RHBDD1: variants seen among roughly 807,000 people sequenced by gnomAD.
RHBDD1 encodes rhomboid domain containing 1, also known as rhomboid-related protein 4.
RHBDD1 carries 38 observed loss-of-function variants against 36.3 expected under a neutral mutation model. The ratio of observed to expected loss-of-function variants is 1.05; its 90% CI spans 0.81 to 1.37. The LOEUF (loss-of-function observed/expected upper bound fraction) is 1.37, where lower values mean the gene tolerates loss of function less well. RHBDD1 is among the 40% of genes most tolerant of loss of function. The pLI is 0.00. For missense variants in RHBDD1, 393 were observed against 377.6 expected (o/e 1.04, Z -0.34); for synonymous variants, 151 against 136.5 (o/e 1.11, Z -0.74).
chr2:226,863,763 C>G (rs2125219312), intron 3 of RHBDD1, among the ~76,000 whole-genome samples: 1 of 152,322 alleles, frequency 6.6e-6, no homozygotes, highest in Non-Finnish European at 1.5e-5. Flanking sequence ...AGTATCCCTT[C>G]CTCCACATTC....
intron 8 of RHBDD1, among the ~76,000 whole-genome samples, chr2:226,924,606 G>C (rs1949549302): frequency 6.6e-6 from 1 of 152,136 alleles, no homozygotes; most frequent in Non-Finnish European, 1.5e-5. Flanking sequence ...TGCAGTTCTT[G>C]TGACTCAGAC....
chr2:226,845,933 T>C (rs1559186541), intron 3 of RHBDD1, among the ~76,000 whole-genome samples: 2 of 152,244 alleles, frequency 1.3e-5, no homozygotes, highest in African/African-American at 4.8e-5. Flanking sequence ...TAGAAGCTTA[T>C]TGTAACTGAC....
At chr2:226,994,764 T>G (rs558986803) in intron 8 of RHBDD1, among the ~76,000 whole-genome samples, 2 of 152,336 alleles carry the variant, frequency 1.3e-5, no homozygotes, top group African/African-American at 4.8e-5. Context: ...TCTTATGTAG[T>G]GATTGAAATT....
chr2:226,944,900 A>G (rs959669566), intron 8 of RHBDD1, among the ~76,000 whole-genome samples: 7 of 152,142 alleles, frequency 4.6e-5, no homozygotes, highest in African/African-American at 1.7e-4. Flanking sequence ...ACCTTAGTGA[A>G]GGATTTTCAT....
intron 7 of RHBDD1, among the ~76,000 whole-genome samples, chr2:226,911,375 G>T (rs1287909446): frequency 1.3e-5 from 2 of 152,078 alleles, no homozygotes; most frequent in Admixed American, 6.6e-5. Context: ...CATTCATAGG[G>T]AATTGGGCAG....
At chr2:226,922,680 G>GTCTTC (rs1392704811) in intron 8 of RHBDD1, among the ~76,000 whole-genome samples, 1 of 151,876 alleles carries the variant, frequency 6.6e-6, no homozygotes, top group Non-Finnish European at 1.5e-5. Context: ...TTGTTTTGTG[G>GTCTTC]TCTTCCCTTT....
chr2:226,908,658 C>A, intron 6 of RHBDD1, 164 bp from the exon 7 acceptor site: 1 of 604,966 alleles, frequency 1.7e-6, no homozygotes, highest in East Asian at 2.9e-5. Flanking sequence ...CACTCTTTTC[C>A]AGTTAGGGCT....
intron 5 of RHBDD1, among the ~76,000 whole-genome samples, chr2:226,873,617 G>A (rs1446031371): frequency 6.6e-6 from 1 of 152,192 alleles, no homozygotes; most frequent in African/African-American, 2.4e-5. Flanking sequence ...TAATGGAGCT[G>A]AAGAGCCTTG....
intron 8 of RHBDD1, chr2:226,988,573 A>C: frequency 2.9e-6 from 4 of 1,383,384 alleles, no homozygotes; most frequent in Non-Finnish European, 3.7e-6. Context: ...TGGAATCTGC[A>C]TCAGAAACAT....
intron 8 of RHBDD1, among the ~76,000 whole-genome samples, chr2:226,922,002 A>G (rs183491188): frequency 1.5e-3 from 234 of 152,204 alleles, no homozygotes; most frequent in Non-Finnish European, 2.3e-3. Context: ...TTTGCTTTAT[A>G]TATCTGGGTG....
chr2:226,977,749 A>G (rs1387294891), intron 8 of RHBDD1, among the ~76,000 whole-genome samples: 1 of 152,262 alleles, frequency 6.6e-6, no homozygotes, highest in Non-Finnish European at 1.5e-5. Context: ...TGCTAATTGA[A>G]GAAATCTTTT....
chr2:226,987,477 A>G (rs919832221), intron 8 of RHBDD1, among the ~76,000 whole-genome samples: 1 of 152,224 alleles, frequency 6.6e-6, no homozygotes, highest in Non-Finnish European at 1.5e-5. Context: ...AGGACAGGCA[A>G]CAGTCTCCAG....
intron 5 of RHBDD1, among the ~76,000 whole-genome samples, chr2:226,893,465 A>G (rs576639344): frequency 4.6e-5 from 7 of 151,888 alleles, no homozygotes; most frequent in African/African-American, 1.5e-4. Flanking sequence ...CAAATATTCA[A>G]CTCCCCATGT....
At chr2:226,947,783 G>T (rs1031271344) in intron 8 of RHBDD1, among the ~76,000 whole-genome samples, 1 of 152,202 alleles carries the variant, frequency 6.6e-6, no homozygotes, top group African/African-American at 2.4e-5. Context: ...TCTCAAAAGA[G>T]GACATTTATG....
upstream of RHBDD1, among the ~76,000 whole-genome samples, chr2:226,834,486 G>C (rs967868161): frequency 6.6e-6 from 1 of 152,178 alleles, no homozygotes; most frequent in Non-Finnish European, 1.5e-5. Context: ...AATTTGCTAA[G>C]AATCTTCTTT....
the RHBDD1 span, among the ~76,000 whole-genome samples, chr2:226,815,931 A>C: frequency 6.6e-6 from 1 of 152,232 alleles, no homozygotes. Context: ...GAAGAGTAGA[A>C]AATAACAGAA....
rs530163200 is a variant in RHBDD1, at chr2:226,907,420, A to T, written c.655+539A>T. On this transcript the variant is annotated intron_variant, in intron 6 of 8. Coordinates refer to ENST00000392062, the MANE Select transcript of RHBDD1 (RefSeq NM_001167608.3). ...TTTTTTTAATTTTGTTTTTCCCTTC[A>T]AATTGATACTCAATGAAAATATTTC... 8.8e-4 allele frequency among the ~76,000 whole-genome samples: 134 copies of T among 152,174 alleles called. 1 individual carries two copies. Among genetic ancestry groups the T allele is most frequent in the Non-Finnish European group, 1.9e-3 (126 of 68,020 alleles).
At chr2:226,879,072 CA>C (rs916415771) in intron 5 of RHBDD1, among the ~76,000 whole-genome samples, 3,170 of 84,090 alleles carry the variant, frequency 0.038, 29 homozygotes, top group Non-Finnish European at 0.056. Context: ...ACTGGCATTC[CA>C]AAAAAAAAAA....
intron 3 of RHBDD1, among the ~76,000 whole-genome samples, chr2:226,847,495 AAG>A (rs1478763218): frequency 6.6e-6 from 1 of 152,248 alleles, no homozygotes; most frequent in African/African-American, 2.4e-5. Flanking sequence ...TAGATGACAT[AAG>A]ACACAAGCTT....
Sources: gnomAD v4.1 joint callset for allele counts (sites outside exome capture counted in the v4.1 genomes callset) on GRCh38, gnomAD v4.1.1 for gene constraint, MANE v1.5 for transcripts, NCBI Gene and HGNC (gene_info 2026-07-23, HGNC 2026-07-21) for gene names.